MGAT5: variants seen among roughly 807,000 people sequenced by gnomAD.
The protein encoded by MGAT5 is alpha-1,6-mannosylglycoprotein 6-beta-N-acetylglucosaminyltransferase A.
In MGAT5, 30 loss-of-function variants were observed where a neutral mutation model predicts 94.3. The observed-to-expected ratio is 0.32, with a 90% CI of 0.24 to 0.43. The LOEUF (loss-of-function observed/expected upper bound fraction) is 0.43, where lower values mean the gene tolerates loss of function less well. MGAT5 is among the 20% of genes least tolerant of loss of function. The pLI is 1.00. For synonymous variants in MGAT5, 310 were observed against 322.9 expected (o/e 0.96, Z 0.43); for missense variants, 691 against 905.5 (o/e 0.76, Z 3.04).
At position 134,454,263 on chromosome 2, in the gene MGAT5, T is replaced by G. The variant is rs1323337272; in HGVS notation, c.*5416T>G. The G allele has an allele frequency of 2.0e-5, 3 of 152,254 alleles. No homozygotes were observed. The highest frequency in any genetic ancestry group is 4.4e-5 in the Non-Finnish European group (3 of 68,044). 9.4% of individuals were successfully genotyped at this position (152,254 alleles called of 1,614,324 possible). On this transcript the variant is annotated 3_prime_UTR_variant, in exon 16 of 16. Transcript: ENST00000281923. ...AGCGTGTCAGGAACCTCAGAGCAGC[T>G]TCACATCTGCCAAAGCTGAGAGGGA...
chr2:134,222,646 A>ATAC (rs1680843572), intron 1 of MGAT5, among the ~76,000 whole-genome samples: 1 of 152,258 alleles, frequency 6.6e-6, no homozygotes, highest in Non-Finnish European at 1.5e-5. Context: ...ATTGCACCAT[A>ATAC]TACTAGTATT....
At chr2:134,146,226 A>G (rs112046177) in intron 1 of MGAT5, among the ~76,000 whole-genome samples, 1,913 of 152,234 alleles carry the variant, frequency 0.013, 34 homozygotes, top group African/African-American at 0.042. Context: ...GCATATATTA[A>G]GTAAAAGGAA....
intron 1 of MGAT5, among the ~76,000 whole-genome samples, chr2:134,215,865 G>A (rs1016586712): frequency 6.6e-6 from 1 of 152,168 alleles, no homozygotes; most frequent in African/African-American, 2.4e-5. Context: ...CCTCTCCATG[G>A]TTGGTATTTG....
chr2:134,194,977 G>C (rs1679428658), intron 1 of MGAT5, among the ~76,000 whole-genome samples: 1 of 152,146 alleles, frequency 6.6e-6, no homozygotes, highest in Non-Finnish European at 1.5e-5. Flanking sequence ...AGTCTGAGTG[G>C]ATTGTTCAGA....
chr2:134,388,855 G>A (rs991172254), intron 10 of MGAT5, among the ~76,000 whole-genome samples: 2 of 150,482 alleles, frequency 1.3e-5, no homozygotes, highest in African/African-American at 4.9e-5. Context: ...TCCACCTCCC[G>A]GTTCAAGCAA....
chr2:134,308,387 C>A (rs1686456492), intron 2 of MGAT5, among the ~76,000 whole-genome samples: 1 of 152,142 alleles, frequency 6.6e-6, no homozygotes, highest in South Asian at 2.1e-4. Context: ...CAGTCCAGAC[C>A]AATAGAATGG....
At chr2:134,356,175 T>C (rs1679727751) in intron 9 of MGAT5, among the ~76,000 whole-genome samples, 1 of 152,230 alleles carries the variant, frequency 6.6e-6, no homozygotes, top group African/African-American at 2.4e-5. Flanking sequence ...GACTAGAGAA[T>C]ATTCAGCATT....
At chr2:134,353,260 A>C (rs929248958) in intron 9 of MGAT5, among the ~76,000 whole-genome samples, 2 of 152,190 alleles carry the variant, frequency 1.3e-5, no homozygotes, top group Non-Finnish European at 2.9e-5. Context: ...ATAGAGACAA[A>C]CCTAGCTGTA....
intron 10 of MGAT5, among the ~76,000 whole-genome samples, chr2:134,374,922 G>C (rs1681065507): frequency 6.6e-6 from 1 of 152,212 alleles, no homozygotes; most frequent in Non-Finnish European, 1.5e-5. Context: ...CAGTCTGGGA[G>C]GTCAAGGCTG....
chr2:134,418,506 C>T (rs1031389399), intron 12 of MGAT5, among the ~76,000 whole-genome samples: 3 of 152,180 alleles, frequency 2.0e-5, no homozygotes, highest in African/African-American at 7.2e-5. Flanking sequence ...AATGCATCCC[C>T]GCAGGGTGGT....
rs201826666 is a variant in MGAT5, at chr2:134,338,260, C to T, written c.647C>T (p.Ala216Val). The T allele has an allele frequency of 6.3e-5, 99 of 1,576,726 alleles. No homozygotes were observed. The highest frequency in any genetic ancestry group is 7.5e-5 in the Admixed American group (4 of 53,034). The change falls in exon 6 of 16, where the codon GCG (alanine) becomes GTG (valine). Residue 216 changes from alanine to valine, a missense_variant and splice_region_variant. Ala to Val is a moderately conservative substitution (Grantham distance 64). Around this residue, in one of 4 missense-constraint regions of MGAT5, gnomAD observed 307 missense variants for 335.4 expected, o/e 0.92. Transcript: ENST00000281923. The part of the protein sequence containing the change: ...PYEEADHNSL[A>V]EIRTDFNILY... Reference sequence around the variant, plus strand: ...ATTTTATTAAATTTCTGTTGCTAGGCGGAAATTCGTACAGATTTTAATATT... The same window carrying T: ...ATTTTATTAAATTTCTGTTGCTAGGTGGAAATTCGTACAGATTTTAATATT...
intron 10 of MGAT5, among the ~76,000 whole-genome samples, chr2:134,384,486 C>G (rs1472453350): frequency 2.6e-5 from 4 of 152,138 alleles, no homozygotes; most frequent in Non-Finnish European, 5.9e-5. Context: ...CTAGTTCTTA[C>G]TAGAACTGTG....
At chr2:134,224,827 C>T (rs928648931) in intron 1 of MGAT5, among the ~76,000 whole-genome samples, 3 of 152,070 alleles carry the variant, frequency 2.0e-5, no homozygotes, top group Non-Finnish European at 2.9e-5. Flanking sequence ...ACCTGTTATC[C>T]CAGCACTTTG....
At chr2:134,137,411 T>C (rs1686460036) in intron 1 of MGAT5, among the ~76,000 whole-genome samples, 1 of 152,094 alleles carries the variant, frequency 6.6e-6, no homozygotes, top group African/African-American at 2.4e-5. Context: ...TTTCTGAGAG[T>C]GGAGTCAGCC....
chr2:134,120,884 C>G (rs113327752), intron 1 of MGAT5, among the ~76,000 whole-genome samples: 1 of 151,648 alleles, frequency 6.6e-6, no homozygotes, highest in Non-Finnish European at 1.5e-5. Flanking sequence ...GGCCCGGGGG[C>G]GCCCCGGCTG....
chr2:134,339,551 T>C (rs1007370568), intron 6 of MGAT5, among the ~76,000 whole-genome samples: 2 of 152,186 alleles, frequency 1.3e-5, no homozygotes, highest in African/African-American at 4.8e-5. Context: ...ACTGTATACA[T>C]TAAAATAGTA....
intron 2 of MGAT5, among the ~76,000 whole-genome samples, chr2:134,302,080 C>T (rs1686054149): frequency 1.3e-5 from 2 of 152,082 alleles, no homozygotes; most frequent in African/African-American, 4.8e-5. Flanking sequence ...CTTTGCAAAC[C>T]GTATGGTCTG....
In MGAT5 at chr2:134,207,815, C is replaced by CT. The variant is rs556017501; in HGVS notation, c.-142-46444dup. On this transcript the variant is annotated intron_variant, in intron 1 of 16. Coordinates refer to the MGAT5 transcript ENST00000409645. ...TGCCACCAAGCCAACCTCAGGAGGTCTTTGCCCAGAGGCTTGGCAAGATGA... is the reference window on the plus strand; with the variant it reads ...TGCCACCAAGCCAACCTCAGGAGGTCTTTTGCCCAGAGGCTTGGCAAGATGA... 1.4e-4 allele frequency among the ~76,000 whole-genome samples: 22 copies of CT among 152,284 alleles called. No homozygotes were observed. In the South Asian group the frequency reaches 4.6e-3, roughly 32 times the overall value.
At chr2:134,334,519 T>TTTTTTTTTTTG (rs1688218935) in intron 4 of MGAT5, among the ~76,000 whole-genome samples, 1 of 138,632 alleles carries the variant, frequency 7.2e-6, no homozygotes. Context: ...TTTTTTTTTT[T>TTTTTTTTTTTG]GCAGGGTTGG....
Sources: gnomAD v4.1 joint callset for allele counts (sites outside exome capture counted in the v4.1 genomes callset) on GRCh38, gnomAD v4.1.1 for gene constraint, gnomAD v4.1.1 regional missense constraint, MANE v1.5 for transcripts, NCBI Gene and HGNC (gene_info 2026-07-23, HGNC 2026-07-21) for gene names.